The following FNBP1 variants were observed in gnomAD, a reference collection of about 807,000 sequenced individuals.
FNBP1 encodes the protein formin-binding protein 1.
FNBP1 carries 26 observed loss-of-function variants against 90.6 expected under a neutral mutation model. The observed-to-expected ratio is 0.29, with a 90% CI of 0.21 to 0.40. The LOEUF (loss-of-function observed/expected upper bound fraction) is 0.40, where lower values mean the gene tolerates loss of function less well. Among genes scored for constraint, FNBP1 ranks in the 10% least tolerant of loss-of-function variants. The pLI is 1.00. For missense variants in FNBP1, 635 were observed against 768.0 expected (o/e 0.83, Z 2.05); for synonymous variants, 260 against 265.2 (o/e 0.98, Z 0.19).
chr9:129,934,805 C>A (rs1468377003), intron 6 of FNBP1, among the ~76,000 whole-genome samples: 1 of 152,072 alleles, frequency 6.6e-6, no homozygotes, highest in Non-Finnish European at 1.5e-5. Context: ...CTCCTGACCT[C>A]AAGTGATCTG....
At chr9:129,958,808 C>T (rs974536741) in intron 4 of FNBP1, among the ~76,000 whole-genome samples, 5 of 150,626 alleles carry the variant, frequency 3.3e-5, no homozygotes, top group Admixed American at 3.3e-4. Context: ...AGTGAGACCC[C>T]CCACTCTACA....
chr9:129,891,646 C>T (rs1293811743), intron 16 of FNBP1, among the ~76,000 whole-genome samples: 1 of 152,096 alleles, frequency 6.6e-6, no homozygotes, highest in African/African-American at 2.4e-5. Context: ...AGCTCTTCAT[C>T]TCAAGGAGAG....
intron 4 of FNBP1, 143 bp from the exon 5 acceptor site, chr9:129,958,696 G>A: frequency 1.6e-6 from 1 of 642,706 alleles, no homozygotes; most frequent in Non-Finnish European, 2.7e-6. Context: ...AGTTGAAAGG[G>A]GTAGCCGGGT....
intron 6 of FNBP1, among the ~76,000 whole-genome samples, chr9:129,932,190 G>C (rs1458764074): frequency 6.6e-6 from 1 of 150,386 alleles, no homozygotes; most frequent in Non-Finnish European, 1.5e-5. Flanking sequence ...CAGCCTGGGC[G>C]ACTGAGCCAG....
At chr9:129,969,716 CCTGGGCAACATAGCCAG>C (rs1191417702) in intron 4 of FNBP1, among the ~76,000 whole-genome samples, 1 of 151,666 alleles carries the variant, frequency 6.6e-6, no homozygotes, top group African/African-American at 2.4e-5. Context: ...TCAAGACCAG[CCTGGGCAACATAGCCAG>C]CCCTATCCCT....
intron 10 of FNBP1, among the ~76,000 whole-genome samples, chr9:129,920,818 T>C (rs2040971887): frequency 3.3e-5 from 5 of 152,056 alleles, no homozygotes; most frequent in Admixed American, 3.3e-4. Context: ...AGATAATATA[T>C]AAATATAACA....
intron 1 of FNBP1, among the ~76,000 whole-genome samples, chr9:129,998,120 C>T (rs2054280470): frequency 6.9e-6 from 1 of 145,690 alleles, no homozygotes; most frequent in African/African-American, 2.6e-5. Context: ...CCACTGAACT[C>T]AGGAGACAGA....
At chr9:129,920,194 C>T (rs772517131) in intron 10 of FNBP1, among the ~76,000 whole-genome samples, 3 of 152,088 alleles carry the variant, frequency 2.0e-5, no homozygotes, top group Non-Finnish European at 2.9e-5. Flanking sequence ...GCTGAGCACA[C>T]GTTTGAGGAG....
At chr9:130,053,775 G>C in the FNBP1 span, 1 of 672,954 alleles carries the variant, frequency 1.5e-6, no homozygotes, top group Admixed American at 2.8e-5. Flanking sequence ...GGCAGCACAG[G>C]CTCCTCGACG....
At chr9:129,946,763 C>T (rs1391201001) in intron 6 of FNBP1, among the ~76,000 whole-genome samples, 1 of 152,150 alleles carries the variant, frequency 6.6e-6, no homozygotes, top group African/African-American at 2.4e-5. Flanking sequence ...TCCTATTTTG[C>T]ATTTAGAAAT....
intron 12 of FNBP1, among the ~76,000 whole-genome samples, chr9:129,907,348 G>A (rs555983586): frequency 3.3e-5 from 5 of 152,030 alleles, no homozygotes; most frequent in African/African-American, 9.6e-5. Context: ...ATTTTATTTC[G>A]CAGACACTTA....
chr9:129,952,199 A>T (rs1482555913), intron 6 of FNBP1, among the ~76,000 whole-genome samples: 1 of 151,776 alleles, frequency 6.6e-6, no homozygotes, highest in African/African-American at 2.4e-5. Flanking sequence ...TTCAAAACAA[A>T]AAAACAAAAC....
chr9:129,902,179 G>C (rs929970786), intron 13 of FNBP1, among the ~76,000 whole-genome samples: 3 of 152,144 alleles, frequency 2.0e-5, no homozygotes, highest in African/African-American at 7.2e-5. Context: ...CCTGCTGAGA[G>C]AACAATTGTA....
chr9:129,917,395 C>T (rs1476850374), intron 10 of FNBP1, among the ~76,000 whole-genome samples: 1 of 151,902 alleles, frequency 6.6e-6, no homozygotes, highest in Non-Finnish European at 1.5e-5. Context: ...CATGGTGGCA[C>T]AATCCCAGCT....
chr9:129,889,297 C>T lies in FNBP1; in HGVS notation c.*1242G>A, dbSNP rs116529814. On this transcript the variant is annotated 3_prime_UTR_variant, in exon 17 of 17. Coordinates refer to ENST00000446176, the MANE Select transcript of FNBP1 (RefSeq NM_015033.3). ...TGAAAGTGCTAACCTCGGCGGGGTGCGGTAGCTCACACCTGTAATCTCAGC... is the reference window on the plus strand; with the variant it reads ...TGAAAGTGCTAACCTCGGCGGGGTGTGGTAGCTCACACCTGTAATCTCAGC... 11,569 of 185,652 alleles carry T rather than the reference C, an allele frequency of 0.062. 476 individuals are homozygous for T. Among genetic ancestry groups the T allele is most frequent in the Middle Eastern group, 0.13 (67 of 506 alleles). The allele number at this position is 185,652 out of a possible 1,614,324, so 11.5% of individuals were successfully genotyped here. A position where few individuals can be genotyped will look rare whatever the true frequency, so the allele number is the denominator to read the frequency against.
At chr9:129,969,560 T>G (rs2049114627) in intron 4 of FNBP1, among the ~76,000 whole-genome samples, 2 of 152,100 alleles carry the variant, frequency 1.3e-5, no homozygotes, top group Non-Finnish European at 2.9e-5. Flanking sequence ...TTCCAAATAT[T>G]TTTCTTTCTT....
At position 129,888,040 on chromosome 9, in the gene FNBP1, C is replaced by T. The variant is rs1178309038; in HGVS notation, c.*2499G>A. The stretch of plus-strand genomic sequence containing the variant: ...CGCAGACTGGCCCGGAAGCAACACC[C>T]AGGTTCAACATTTAAGAGCACTCGC... On this transcript the variant is annotated 3_prime_UTR_variant, in exon 17 of 17. Coordinates refer to ENST00000446176, the MANE Select transcript of FNBP1 (RefSeq NM_015033.3). 4.3e-6 allele frequency: 1 copy of T among 232,706 alleles called. No homozygotes were observed. The highest frequency in any genetic ancestry group is 8.5e-6 in the Non-Finnish European group (1 of 117,778). The allele number at this position is 232,706 out of a possible 1,614,324, so 14.4% of individuals were successfully genotyped here.
In FNBP1 at chr9:129,957,554, TTC is replaced by T; in HGVS notation, c.409-92_409-91del. On this transcript the variant is annotated intron_variant, in intron 5 of 16. Coordinates refer to ENST00000446176, the MANE Select transcript of FNBP1 (RefSeq NM_015033.3). The surrounding 1 kb of genome is among the most constrained non-coding windows in gnomAD (Gnocchi z 4.3). ...AAGCTCCCAAAGAGCATTGTTCTTT[TTC>T]TTTTTTTTTTCTTCAGTCAGGGTCT... 9.4e-7 allele frequency: 1 copy of T among 1,063,818 alleles called. No homozygotes were observed. The highest frequency in any genetic ancestry group is 1.6e-5 in the African/African-American group (1 of 62,040). The allele number at this position is 1,063,818 out of a possible 1,614,324, so 65.9% of individuals were successfully genotyped here. A position where few individuals can be genotyped will look rare whatever the true frequency, so the allele number is the denominator to read the frequency against.
At position 129,965,708 on chromosome 9, in the gene FNBP1, GCA is replaced by G. The variant is rs5900877; in HGVS notation, c.346-7157_346-7156del. 1.6e-4 allele frequency among the ~76,000 whole-genome samples: 23 copies of G among 145,554 alleles called. No homozygotes were observed. The South Asian group carries it at 1.8e-3, about 11-fold the overall frequency. On this transcript the variant is annotated intron_variant, in intron 4 of 16. Transcript: ENST00000446176. ...AACACACACACACACGCGCGCGCGCGCACACACACACACACATAGAAAGAAAA... is the reference window on the plus strand; with the variant it reads ...AACACACACACACACGCGCGCGCGCGCACACACACACACATAGAAAGAAAA...
Sources: allele counts gnomAD v4.1 joint callset (sites outside exome capture counted in the v4.1 genomes callset), GRCh38; gene constraint gnomAD v4.1.1; non-coding constraint Gnocchi (gnomAD v3.1); transcripts MANE v1.5; gene names NCBI Gene and HGNC (gene_info 2026-07-23, HGNC 2026-07-21).